GPSM1: variants seen among roughly 807,000 people sequenced by gnomAD.
GPSM1 encodes G protein-signaling modulator 1.
A neutral mutation model predicts 70.5 loss-of-function variants in GPSM1; 48 were observed. That is an observed-to-expected ratio of 0.68 (90% CI 0.54 to 0.87). The LOEUF (loss-of-function observed/expected upper bound fraction) is 0.87, where lower values mean the gene tolerates loss of function less well. Ranked by LOEUF, GPSM1 falls within the 40% of genes least tolerant of loss-of-function variation. GPSM1 has a pLI of 0.00. For missense variants in GPSM1, 981 were observed against 972.6 expected, an observed-to-expected ratio of 1.01 and a Z score of -0.11; for synonymous variants, 416 against 430.1, an observed-to-expected ratio of 0.97 and a Z score of 0.41.
rs1466197579 is a variant in GPSM1, at chr9:136,343,262, C to T, written c.1207+2269C>T. 6.6e-6 allele frequency among the ~76,000 whole-genome samples: 1 copy of T among 151,930 alleles called. No individual in the cohort carries two copies. The highest frequency in any genetic ancestry group is 2.4e-5 in the African/African-American group (1 of 41,376). On this transcript the variant is annotated intron_variant, in intron 9 of 13. Transcript: ENST00000440944. This position sits in a 1 kb window ranked among gnomAD's most constrained non-coding sequence, Gnocchi z 6.0. The stretch of plus-strand genomic sequence containing the variant: ...CCACACTTGCTCCTGGGCTGCCCAC[C>T]CCCCACCCCAGCAAGGGTGCCAGGC...
chr9:136,351,554 G>C (rs1463466396), intron 11 of GPSM1, among the ~76,000 whole-genome samples: 1 of 152,208 alleles, frequency 6.6e-6, no homozygotes, highest in East Asian at 1.9e-4. Context: ...AGCCTCTGAG[G>C]GCTTCCAGGC....
intron 11 of GPSM1, among the ~76,000 whole-genome samples, chr9:136,351,318 C>T (rs782604006): frequency 8.5e-5 from 13 of 152,244 alleles, no homozygotes; most frequent in East Asian, 3.9e-4. Context: ...CCGGGGGTCC[C>T]GGTGATCCCC....
rs782352584 is a variant in GPSM1, at chr9:136,356,475, T to C, written c.1746T>C (p.Asn582=). The C allele has an allele frequency of 6.2e-7, 1 of 1,611,560 alleles. No individual in the cohort carries two copies. Among genetic ancestry groups the C allele is most frequent in the Non-Finnish European group, 8.5e-7 (1 of 1,179,272 alleles). ...SLPGLRITHS[N]AGHLRGHGEP... ...CGGGGCTGCGAATCACCCACAGCAA[T>C]GCAGGGCACCTCCGAGGCCACGGCG... The change falls in exon 13 of 14, where the codon AAT becomes AAC. Residue 582 remains asparagine, a synonymous_variant. Transcript: ENST00000440944.
chr9:136,337,379 A>G (rs1216800915), intron 4 of GPSM1, 62 bp from the exon 5 acceptor site: 19 of 1,549,146 alleles, frequency 1.2e-5, no homozygotes, highest in Non-Finnish European at 1.6e-5. Context: ...CAGCTCTTCT[A>G]GCCTGGGGTG....
chr9:136,327,793 C>CT lies in GPSM1; in HGVS notation c.68+30_68+31insT, dbSNP rs1564337780. The CT allele has an allele frequency of 8.7e-5, 88 of 1,012,010 alleles. 1 individual carries two copies. Among genetic ancestry groups the CT allele is most frequent in the Middle Eastern group, 3.8e-4 (1 of 2,666 alleles). 62.7% of individuals were successfully genotyped at this position (1,012,010 alleles called of 1,614,324 possible). On this transcript the variant is annotated intron_variant, in intron 1 of 13. Transcript: ENST00000440944. ...GACGGGCCGGGGCCGGGGCCGGGGCCGGGGCTGGGACCGGACCGGGCCGGG... is the reference window on the plus strand; with the variant it reads ...GACGGGCCGGGGCCGGGGCCGGGGCCTGGGGCTGGGACCGGACCGGGCCGGG...
At chr9:136,332,839 C>CAAA (rs150554566) in intron 1 of GPSM1, among the ~76,000 whole-genome samples, 3 of 66,094 alleles carry the variant, frequency 4.5e-5, no homozygotes, top group Non-Finnish European at 5.4e-5. Context: ...CCATCTCTAC[C>CAAA]AAAAAAAAAA....
chr9:136,344,170 G>C (rs557751080), intron 9 of GPSM1, among the ~76,000 whole-genome samples: 20 of 149,896 alleles, frequency 1.3e-4, no homozygotes, highest in Non-Finnish European at 2.7e-4. Flanking sequence ...AGGATCGGGG[G>C]GAGGCGCGGA....
chr9:136,338,482 C>A, intron 6 of GPSM1, 73 bp from the exon 7 acceptor site: 1 of 1,420,552 alleles, frequency 7.0e-7, no homozygotes, highest in South Asian at 1.3e-5. Flanking sequence ...GGGCAGACTG[C>A]GTCCCCATTC....
intron 13 of GPSM1, among the ~76,000 whole-genome samples, chr9:136,357,373 A>G (rs1554773396): frequency 2.0e-5 from 3 of 152,046 alleles, no homozygotes; most frequent in Admixed American, 6.5e-5. Context: ...CCGACCAGCC[A>G]CCTCCAAACC....
intron 3 of GPSM1, among the ~76,000 whole-genome samples, 178 bp downstream of exon 3, chr9:136,336,279 C>A (rs1043247360): frequency 1.3e-5 from 2 of 152,044 alleles, no homozygotes. Flanking sequence ...CAAAACAGGC[C>A]CCCCCAGCCC....
intron 12 of GPSM1, 81 bp downstream of exon 12, chr9:136,355,927 A>G: frequency 7.9e-7 from 1 of 1,266,088 alleles, no homozygotes; most frequent in South Asian, 1.4e-5. Flanking sequence ...GCTTCCAGTG[A>G]GGAGTTTTCG....
At chr9:136,357,921 G>A (rs1832880725) in intron 13 of GPSM1, 93 bp from the exon 14 acceptor site, 2 of 980,096 alleles carry the variant, frequency 2.0e-6, no homozygotes, top group Non-Finnish European at 3.2e-6. Flanking sequence ...CCCGTGAACA[G>A]TGCACGCTGG....
At chr9:136,352,120 CGTTGCTGTTGGTG>C (rs1832681984) in intron 11 of GPSM1, among the ~76,000 whole-genome samples, 1 of 147,412 alleles carries the variant, frequency 6.8e-6, no homozygotes, top group Non-Finnish European at 1.5e-5. Context: ...AATGCTGCGC[CGTTGCTGTTGGTG>C]ACACCAATGC....
rs553785690 is a variant in GPSM1, at chr9:136,358,244, C to T, written c.*24C>T. 1.2e-5 allele frequency: 18 copies of T among 1,519,706 alleles called. No individual in the cohort carries two copies. The highest frequency in any genetic ancestry group is 1.6e-5 in the Non-Finnish European group (18 of 1,133,194). The allele number at this position is 1,519,706 out of a possible 1,614,324, so 94.1% of individuals were successfully genotyped here. A position where few individuals can be genotyped will look rare whatever the true frequency, so the allele number is the denominator to read the frequency against. On this transcript the variant is annotated 3_prime_UTR_variant, in exon 14 of 14. Transcript: ENST00000440944. ...AAGGCCCTGTGCCCACCGCCAGGCC[C>T]ACCCTGCCCCCACTCCTGGACGCCG...
At chr9:136,330,016 T>G (rs957490124) in intron 1 of GPSM1, among the ~76,000 whole-genome samples, 1 of 151,944 alleles carries the variant, frequency 6.6e-6, no homozygotes, top group Non-Finnish European at 1.5e-5. Flanking sequence ...GACAGGGCCC[T>G]GGGTGCTACA....
At position 136,342,271 on chromosome 9, in the gene GPSM1, C is replaced by G. The variant is rs1400964074; in HGVS notation, c.1207+1278C>G. On this transcript the variant is annotated intron_variant, in intron 9 of 13. Coordinates refer to ENST00000440944, the MANE Select transcript of GPSM1 (RefSeq NM_001145638.3). The surrounding 1 kb of genome is among the most constrained non-coding windows in gnomAD (Gnocchi z 5.5). ...GTCCCTGGCTCGGCACTGCCACCAT[C>G]TGGGACCCCAGCAGCAACTGGCAGC... Among the ~76,000 whole-genome samples the G allele has an allele frequency of 6.6e-6, 1 of 152,314 alleles. No homozygotes were observed. The highest frequency in any genetic ancestry group is 2.1e-4 in the South Asian group (1 of 4,826).
At chr9:136,327,842 T>C in intron 1 of GPSM1, 79 bp downstream of exon 1, 1 of 491,424 alleles carries the variant, frequency 2.0e-6, no homozygotes, top group East Asian at 5.0e-5. Context: ...GAGGCTGCAG[T>C]TGGGAACAAA....
At chr9:136,355,939 G>A (rs1832807169) in intron 12 of GPSM1, 93 bp downstream of exon 12, 1 of 1,083,210 alleles carries the variant, frequency 9.2e-7, no homozygotes, top group Non-Finnish European at 1.3e-6. Flanking sequence ...GAGTTTTCGG[G>A]GGCAGACCAG....
intron 3 of GPSM1, among the ~76,000 whole-genome samples, 192 bp from the exon 4 acceptor site, chr9:136,336,729 G>A (rs1832246054): frequency 6.6e-6 from 1 of 152,186 alleles, no homozygotes; most frequent in Non-Finnish European, 1.5e-5. Context: ...GGATGGTGAG[G>A]GAGGGCGGAG....
Sources: gnomAD v4.1 joint callset for allele counts (sites outside exome capture counted in the v4.1 genomes callset) on GRCh38, gnomAD v4.1.1 for gene constraint, Gnocchi (gnomAD v3.1) non-coding constraint, MANE v1.5 for transcripts, NCBI Gene and HGNC (gene_info 2026-07-23, HGNC 2026-07-21) for gene names.